MGST1: variants seen among roughly 807,000 people sequenced by gnomAD.
The protein encoded by MGST1 is microsomal glutathione S-transferase 1.
MGST1 carries 5 observed loss-of-function variants against 8.9 expected under a neutral mutation model. The observed-to-expected ratio is 0.56, with a 90% confidence interval of 0.29 to 1.19. MGST1 has a LOEUF of 1.19. Ranked by LOEUF, MGST1 falls within the 50% of genes most tolerant of loss-of-function variation. The pLI is 0.08. For synonymous variants in MGST1, 54 were observed against 67.8 expected, an observed-to-expected ratio of 0.80 and a Z score of 1.00; for missense variants, 182 against 187.4, an observed-to-expected ratio of 0.97 and a Z score of 0.17.
At chr12:16,499,963 T>C (rs1941494983) in intron 4 of MGST1, among the ~76,000 whole-genome samples, 1 of 152,140 alleles carries the variant, frequency 6.6e-6, no homozygotes, top group South Asian at 2.1e-4. Flanking sequence ...ATGTTAAAGG[T>C]ACAATGAGAT....
intron 4 of MGST1, among the ~76,000 whole-genome samples, chr12:16,554,145 T>C (rs1351547512): frequency 1.3e-5 from 2 of 152,162 alleles, no homozygotes; most frequent in Non-Finnish European, 2.9e-5. Context: ...GCTGACTTCA[T>C]ATAGTCTTAG....
chr12:16,352,576 G>A (rs552192234), intron 1 of MGST1, among the ~76,000 whole-genome samples: 2 of 152,146 alleles, frequency 1.3e-5, no homozygotes, highest in Admixed American at 6.5e-5. Flanking sequence ...CAGAGGACTG[G>A]AAATGTACAT....
chr12:16,541,916 A>G (rs983014853), intron 4 of MGST1, among the ~76,000 whole-genome samples: 2 of 152,232 alleles, frequency 1.3e-5, no homozygotes, highest in African/African-American at 4.8e-5. Context: ...GAGTAACAAA[A>G]GTAAGTCAGT....
intron 4 of MGST1, among the ~76,000 whole-genome samples, chr12:16,505,165 C>CT (rs1193257272): frequency 7.6e-4 from 116 of 152,290 alleles, no homozygotes; most frequent in African/African-American, 2.6e-3. Context: ...ACTCTCACAT[C>CT]TAAAACTCCA....
intron 4 of MGST1, among the ~76,000 whole-genome samples, chr12:16,483,381 A>T (rs1941377918): frequency 6.6e-6 from 1 of 152,042 alleles, no homozygotes; most frequent in South Asian, 2.1e-4. Flanking sequence ...AAACATATAT[A>T]TTAATAAAAC....
chr12:16,401,350 T>C lies in MGST1; in HGVS notation n.778+17746T>C, dbSNP rs1940654276. The stretch of plus-strand genomic sequence containing the variant: ...TTTACTATTGATTACTAGGAAGCTT[T>C]CATGGAATTCAATTCCCACCCCAAA... On this transcript the variant is annotated intron_variant and non_coding_transcript_variant, in intron 1 of 1. Coordinates refer to the MGST1 transcript ENST00000359720. This position sits in a 1 kb window ranked among gnomAD's most constrained non-coding sequence, Gnocchi z 4.3. The C allele has an allele frequency of 3.9e-6, 5 of 1,289,268 alleles. No individual in the cohort carries two copies. The South Asian group carries it at 5.9e-5, about 15-fold the overall frequency. 79.9% of individuals were successfully genotyped at this position (1,289,268 alleles called of 1,614,324 possible).
At chr12:16,360,853 G>A (rs546493905) in intron 3 of MGST1, among the ~76,000 whole-genome samples, 37 of 152,232 alleles carry the variant, frequency 2.4e-4, no homozygotes, top group African/African-American at 7.5e-4. Flanking sequence ...GATGTCCCTC[G>A]TGGCCCCAGT....
At chr12:16,574,863 A>G (rs1018714431) in intron 4 of MGST1, among the ~76,000 whole-genome samples, 1 of 152,172 alleles carries the variant, frequency 6.6e-6, no homozygotes, top group African/African-American at 2.4e-5. Context: ...TGACATGTCT[A>G]AGATCTCATA....
chr12:16,545,472 G>A (rs1238167689), intron 4 of MGST1, among the ~76,000 whole-genome samples: 1 of 152,028 alleles, frequency 6.6e-6, no homozygotes, highest in East Asian at 1.9e-4. Context: ...TCTTCTGGAA[G>A]TTTTAAAATA....
At chr12:16,448,918 T>C (rs902155780) in intron 4 of MGST1, among the ~76,000 whole-genome samples, 1 of 151,920 alleles carries the variant, frequency 6.6e-6, no homozygotes, top group Non-Finnish European at 1.5e-5. Flanking sequence ...TTAAGAGATA[T>C]CATTTATAAG....
At chr12:16,515,457 T>C (rs573196523) in intron 4 of MGST1, among the ~76,000 whole-genome samples, 5 of 151,940 alleles carry the variant, frequency 3.3e-5, no homozygotes, top group Non-Finnish European at 7.4e-5. Context: ...GCCAACTTGG[T>C]TAAACCCCGT....
intron 4 of MGST1, among the ~76,000 whole-genome samples, chr12:16,536,298 T>A (rs549932484): frequency 6.6e-6 from 1 of 152,286 alleles, no homozygotes; most frequent in African/African-American, 2.4e-5. Context: ...TATATTACCA[T>A]CTGTCATTGT....
chr12:16,424,907 G>A (rs1324339105), intron 1 of MGST1, among the ~76,000 whole-genome samples: 2 of 152,246 alleles, frequency 1.3e-5, no homozygotes, highest in South Asian at 2.1e-4. Context: ...CAAAAGTCAG[G>A]CTTTTTCTTC....
At chr12:16,472,480 C>T (rs1941295394) in intron 4 of MGST1, among the ~76,000 whole-genome samples, 2 of 150,772 alleles carry the variant, frequency 1.3e-5, no homozygotes, top group Non-Finnish European at 1.5e-5. Context: ...ACTATTAACG[C>T]CAAATCACTT....
chr12:16,382,809 C>A (rs999196798), upstream of MGST1: 1 of 152,782 alleles, frequency 6.5e-6, no homozygotes, highest in Non-Finnish European at 1.5e-5. Flanking sequence ...TTCCCAGCCG[C>A]TTTGTTTACC....
chr12:16,554,958 G>A (rs779468456), intron 4 of MGST1, among the ~76,000 whole-genome samples: 16 of 152,274 alleles, frequency 1.1e-4, no homozygotes, highest in Admixed American at 3.3e-4. Context: ...CACCGCGCCC[G>A]GCCAGGTTTA....
intron 4 of MGST1, among the ~76,000 whole-genome samples, chr12:16,519,605 T>C (rs191006534): frequency 5.7e-4 from 86 of 150,448 alleles, no homozygotes; most frequent in African/African-American, 2.1e-3. Context: ...ATTGTGTATA[T>C]CTTTTTATTA....
rs550300841 is a variant in MGST1, at chr12:16,584,576, G to C, written n.483-4952G>C. Among the ~76,000 whole-genome samples, 11 of 151,032 alleles carry C rather than the reference G, an allele frequency of 7.3e-5. No homozygotes were observed. In the South Asian group the frequency reaches 2.1e-3, roughly 29 times the overall value. On this transcript the variant is annotated intron_variant and non_coding_transcript_variant, in intron 4 of 4. Transcript: ENST00000538857. The surrounding 1 kb of genome is among the most constrained non-coding windows in gnomAD (Gnocchi z 5.2). ...AGACGTTTTAGATTAACATTGGCAA[G>C]TGGAGGAGTGGGGGGGGTAAGAGGC...
At chr12:16,495,384 G>C (rs1941463261) in intron 4 of MGST1, among the ~76,000 whole-genome samples, 1 of 151,982 alleles carries the variant, frequency 6.6e-6, no homozygotes, top group African/African-American at 2.4e-5. Flanking sequence ...CAAATGACGG[G>C]ATCATTCCTA....
Sources: gnomAD v4.1 joint callset for allele counts (sites outside exome capture counted in the v4.1 genomes callset) on GRCh38, gnomAD v4.1.1 for gene constraint, Gnocchi (gnomAD v3.1) non-coding constraint, MANE v1.5 for transcripts, NCBI Gene and HGNC (gene_info 2026-07-23, HGNC 2026-07-21) for gene names.